The following NRXN2 variants were observed in gnomAD, a reference collection of about 807,000 sequenced individuals.
NRXN2 encodes neurexin 2.
A neutral mutation model predicts 128.8 loss-of-function variants in NRXN2; 29 were observed. The observed-to-expected ratio is 0.23, with a 90% CI of 0.17 to 0.31. The LOEUF (loss-of-function observed/expected upper bound fraction) is 0.31. Among genes scored for constraint, NRXN2 ranks in the 10% least tolerant of loss-of-function variants. NRXN2 has a pLI of 1.00. For missense variants in NRXN2, 1,881 were observed against 2,452.6 expected (o/e 0.77, Z 4.92); for synonymous variants, 1,098 against 1,075.2 (o/e 1.02, Z -0.41).
At chr11:64,640,345 C>CT (rs2045476690) in intron 17 of NRXN2, among the ~76,000 whole-genome samples, 1 of 152,186 alleles carries the variant, frequency 6.6e-6, no homozygotes, top group Admixed American at 6.5e-5. Flanking sequence ...GCCAGTTCCT[C>CT]TCTCCTACAC....
chr11:64,665,361 C>A (rs2049694898), intron 9 of NRXN2, among the ~76,000 whole-genome samples: 2 of 152,130 alleles, frequency 1.3e-5, no homozygotes. Flanking sequence ...ACTGGCCACA[C>A]CTGGTCCAGA....
chr11:64,652,800 G>T (rs190438892), intron 12 of NRXN2, among the ~76,000 whole-genome samples: 3 of 152,164 alleles, frequency 2.0e-5, no homozygotes, highest in African/African-American at 7.2e-5. Flanking sequence ...AGAGGGGAAG[G>T]TTCTGTTTCT....
At position 64,714,524 on chromosome 11, in the gene NRXN2, A is replaced by G. The variant is rs570567332; in HGVS notation, c.-244-581T>C. ...GCCAGGACCCAGATATCCAGGCCCC[A>G]AGCCCTCTCCATCCAAGCAGGGACT... On this transcript the variant is annotated intron_variant, in intron 1 of 22. Coordinates refer to ENST00000265459, the MANE Select transcript of NRXN2 (RefSeq NM_015080.4). This position sits in a 1 kb window ranked among gnomAD's most constrained non-coding sequence, Gnocchi z 4.5. 6.6e-6 allele frequency among the ~76,000 whole-genome samples: 1 copy of G among 152,094 alleles called. No homozygotes were observed. The highest frequency in any genetic ancestry group is 2.1e-4 in the South Asian group (1 of 4,802).
rs1323571309 is a variant in NRXN2 at position 64,632,593 on chromosome 11, T to C, written c.3586-2020A>G. ...GCAGTGATGGTGGTCAAGGAGCACA[T>C]GCAGTCTGAGAGCCAGGCTGGCAGA... On this transcript the variant is annotated intron_variant, in intron 18 of 22. Transcript: ENST00000265459. The surrounding 1 kb of genome is among the most constrained non-coding windows in gnomAD (Gnocchi z 4.2). Among the ~76,000 whole-genome samples the C allele has an allele frequency of 6.6e-6, 1 of 152,112 alleles. No homozygotes were observed. The highest frequency in any genetic ancestry group is 1.5e-5 in the Non-Finnish European group (1 of 68,012).
chr11:64,705,651 C>A (rs777373914), intron 2 of NRXN2, among the ~76,000 whole-genome samples: 3 of 152,090 alleles, frequency 2.0e-5, no homozygotes, highest in Non-Finnish European at 4.4e-5. Context: ...ATCTGCAGCC[C>A]CAGCTTCAAC....
intron 2 of NRXN2, among the ~76,000 whole-genome samples, chr11:64,705,626 C>T (rs993413085): frequency 1.3e-5 from 2 of 151,910 alleles, no homozygotes; most frequent in Admixed American, 1.3e-4. Flanking sequence ...ACTATCTCTA[C>T]ACACACACAG....
intron 17 of NRXN2, chr11:64,642,800 G>C (rs1028031318): frequency 1.7e-6 from 2 of 1,148,704 alleles, no homozygotes; most frequent in Non-Finnish European, 2.1e-6. Flanking sequence ...CCCCCGGGGG[G>C]CATTTCGGCC....
intron 3 of NRXN2, among the ~76,000 whole-genome samples, chr11:64,695,024 T>G (rs2054306048): frequency 6.6e-6 from 1 of 152,136 alleles, no homozygotes; most frequent in African/African-American, 2.4e-5. Context: ...AACCAGCTGC[T>G]CAGCTCCCTC....
rs375414046 is a variant in NRXN2 at position 64,672,039 on chromosome 11, G to A, written c.1198-3435C>T. ...CTCAACACAGACAAGCAGGCCGAGT[G>A]GGTACTGAGCTGGCCAAGGGGAATG... On this transcript the variant is annotated intron_variant, in intron 7 of 22. Transcript: ENST00000265459. Among the ~76,000 whole-genome samples, 41 of 152,182 alleles carry A rather than the reference G, an allele frequency of 2.7e-4. No individual in the cohort carries two copies. In the East Asian group the frequency reaches 4.8e-3, roughly 18 times the overall value.
chr11:64,695,053 C>G (rs2054312979), intron 3 of NRXN2, among the ~76,000 whole-genome samples: 1 of 152,226 alleles, frequency 6.6e-6, no homozygotes. Flanking sequence ...CAGCACCAGC[C>G]ATCTTGGTGA....
intron 5 of NRXN2, among the ~76,000 whole-genome samples, chr11:64,686,771 TTGTGTGTGTGCATGTC>T (rs922095972): frequency 1.2e-4 from 18 of 152,196 alleles, no homozygotes; most frequent in Non-Finnish European, 2.2e-4. Flanking sequence ...GGCCTGGGCC[TTGTGTGTGTGCATGTC>T]TGTGTGTGTG....
chr11:64,686,093 T>G, intron 5 of NRXN2, 146 bp from the exon 6 acceptor site: 1 of 810,242 alleles, frequency 1.2e-6, no homozygotes. Context: ...CCCCTTTCCC[T>G]CCCTCGGCCT....
rs2043117495 is a variant in NRXN2, at chr11:64,626,753, G to C, written c.3758-201C>G. Reference sequence around the variant, plus strand: ...CCGGTTCAGAGCCAGCCCCACCCTGGGGGCAGGAGCAACCCAAAGCAAAAG... The same window carrying C: ...CCGGTTCAGAGCCAGCCCCACCCTGCGGGCAGGAGCAACCCAAAGCAAAAG... On this transcript the variant is annotated intron_variant, in intron 19 of 22. Transcript: ENST00000265459. 2.6e-5 allele frequency among the ~76,000 whole-genome samples: 4 copies of C among 152,142 alleles called. No homozygotes were observed. In the South Asian group the frequency reaches 8.3e-4, roughly 32 times the overall value.
rs552694653 is a variant in NRXN2 at position 64,607,712 on chromosome 11, A to G, written c.4623T>C (p.Asp1541=). The G allele has an allele frequency of 8.4e-6, 13 of 1,554,704 alleles. No homozygotes were observed. In the South Asian group the frequency reaches 1.5e-4, roughly 18 times the overall value. Residue 1541 remains aspartate (D), a synonymous_variant, in exon 23 of 23, where the codon GAT becomes GAC. Coordinates refer to ENST00000265459, the MANE Select transcript of NRXN2 (RefSeq NM_015080.4). ...KPAPRPNLRT[D]GATGAPGVLF... is the part of the protein sequence containing the mutation. ...GCACCCCAGGGGCGCCCGTGGCCCC[A>G]TCTGTCCTGAGGTTGGGCCGGGGAG...
chr11:64,661,718 T>C (rs1250756853), intron 9 of NRXN2, among the ~76,000 whole-genome samples: 1 of 152,116 alleles, frequency 6.6e-6, no homozygotes, highest in Non-Finnish European at 1.5e-5. Context: ...TTTGAAATGG[T>C]AGACGAGGCT....
chr11:64,611,020 C>A (rs887146171), intron 22 of NRXN2, among the ~76,000 whole-genome samples: 16 of 152,238 alleles, frequency 1.1e-4, no homozygotes, highest in Non-Finnish European at 2.1e-4. Context: ...GACACCATAT[C>A]CCAATTCTGT....
At chr11:64,668,671 C>G in intron 7 of NRXN2, 67 bp from the exon 8 acceptor site, 1 of 1,588,822 alleles carries the variant, frequency 6.3e-7, no homozygotes, top group African/African-American at 1.3e-5. Context: ...GGAAGAGCTA[C>G]GGCTAGGCAA....
Position 64,692,969 on chromosome 11 carries a change from A to G in NRXN2, c.749-93T>C. On this transcript the variant is annotated intron_variant, in intron 3 of 22. Coordinates refer to ENST00000265459, the MANE Select transcript of NRXN2 (RefSeq NM_015080.4). ...AGAAACAAAGAAAACACGAGTCATC[A>G]AAATCAGCCAGAGAGAAGGGAGAAA... The G allele has an allele frequency of 1.8e-6, 2 of 1,103,208 alleles. 1 individual carries two copies. The highest frequency in any genetic ancestry group is 2.7e-6 in the Non-Finnish European group (2 of 744,080). 68.3% of individuals were successfully genotyped at this position (1,103,208 alleles called of 1,614,324 possible).
At chr11:64,706,967 T>C (rs1350920940) in intron 2 of NRXN2, among the ~76,000 whole-genome samples, 1 of 151,842 alleles carries the variant, frequency 6.6e-6, no homozygotes, top group East Asian at 1.9e-4. Flanking sequence ...TTTTTTTTTT[T>C]TTGAGACAGA....
Sources: gnomAD v4.1 joint callset for allele counts (sites outside exome capture counted in the v4.1 genomes callset) on GRCh38, gnomAD v4.1.1 for gene constraint, Gnocchi (gnomAD v3.1) non-coding constraint, MANE v1.5 for transcripts, NCBI Gene and HGNC (gene_info 2026-07-23, HGNC 2026-07-21) for gene names.